The following ARL9 variants were observed in gnomAD, a reference collection of about 807,000 sequenced individuals.
ARL9 encodes the protein ARF like GTPase 9.
A neutral mutation model predicts 27.0 loss-of-function variants in ARL9; 14 were observed. The observed-to-expected ratio is 0.52, with a 90% CI of 0.34 to 0.81. The LOEUF is 0.81. ARL9 is among the 30% of genes least tolerant of loss of function. The pLI, the probability that ARL9 is intolerant of heterozygous loss-of-function variation, is 0.01. For missense variants in ARL9, 294 were observed against 290.0 expected (o/e 1.01, Z -0.10); for synonymous variants, 106 against 108.7 (o/e 0.98, Z 0.15).
chr4:56,506,601 C>A, intron 1 of ARL9: 1 of 985,160 alleles, frequency 1.0e-6, no homozygotes, highest in Non-Finnish European at 1.2e-6. Flanking sequence ...TGTTTGGGGA[C>A]GCTGCAGTTG....
At chr4:56,520,377 C>G (rs1175743448) in intron 3 of ARL9, among the ~76,000 whole-genome samples, 1 of 152,144 alleles carries the variant, frequency 6.6e-6, no homozygotes, top group Admixed American at 6.5e-5. Flanking sequence ...ACCTTGAGAA[C>G]ATTATGCTAA....
intron 2 of ARL9, among the ~76,000 whole-genome samples, chr4:56,516,102 G>A (rs374344956): frequency 9.9e-5 from 15 of 152,066 alleles, no homozygotes; most frequent in African/African-American, 1.7e-4. Context: ...TAAACAAAAC[G>A]ACCAAAGGAA....
At chr4:56,521,160 G>A (rs960372832) in intron 3 of ARL9, among the ~76,000 whole-genome samples, 2 of 150,986 alleles carry the variant, frequency 1.3e-5, no homozygotes, top group East Asian at 3.9e-4. Context: ...GCAGTGAGCC[G>A]AGGTCGTGCC....
chr4:56,514,239 T>C (rs1395658475), intron 2 of ARL9, among the ~76,000 whole-genome samples: 1 of 152,180 alleles, frequency 6.6e-6, no homozygotes, highest in African/African-American at 2.4e-5. Context: ...TAAATGATTA[T>C]AGCTGAAAGG....
At chr4:56,512,778 G>A (rs1354334981) in intron 2 of ARL9, among the ~76,000 whole-genome samples, 3 of 151,938 alleles carry the variant, frequency 2.0e-5, no homozygotes, top group African/African-American at 7.3e-5. Flanking sequence ...CTGACCTCAG[G>A]TGATCCACCC....
At chr4:56,515,182 TG>T (rs960072506) in intron 2 of ARL9, among the ~76,000 whole-genome samples, 12 of 150,374 alleles carry the variant, frequency 8.0e-5, no homozygotes, top group African/African-American at 2.2e-4. Flanking sequence ...TCAACCCAGG[TG>T]GTGGAGATTG....
At chr4:56,507,117 A>G (rs920070333) in intron 1 of ARL9, among the ~76,000 whole-genome samples, 3 of 151,754 alleles carry the variant, frequency 2.0e-5, no homozygotes, top group African/African-American at 7.3e-5. Context: ...CTCTGGTAAA[A>G]CACAGACTAC....
In ARL9 at chr4:56,505,918, AAATC is replaced by A. The variant is rs1721443963; in HGVS notation, c.57_60del (p.Ile20GlufsTer9). 1.6e-6 allele frequency: 2 copies of A among 1,244,832 alleles called. No homozygotes were observed. The highest frequency in any genetic ancestry group is 3.8e-5 in the Admixed American group (1 of 26,002). 77.1% of individuals were successfully genotyped at this position (1,244,832 alleles called of 1,614,324 possible). A position where few individuals can be genotyped will look rare whatever the true frequency, so the allele number is the denominator to read the frequency against. Reference sequence around the variant, plus strand: ...AAGGAAAAGGAGACGCAGGAGGAGAAAATCGGAGAAAAGGGTAGGGAAGAGAAAG... The same window carrying A: ...AAGGAAAAGGAGACGCAGGAGGAGAAGGAGAAAAGGGTAGGGAAGAGAAAG... On this transcript the variant is annotated frameshift_variant, in exon 1 of 4. Coordinates refer to ENST00000640821, the MANE Select transcript of ARL9 (RefSeq NM_001363794.2). LOFTEE classifies it high-confidence loss of function.
chr4:56,515,663 T>C (rs1430656357), intron 2 of ARL9, among the ~76,000 whole-genome samples: 2 of 152,154 alleles, frequency 1.3e-5, no homozygotes, highest in Non-Finnish European at 2.9e-5. Context: ...CAACTGTATA[T>C]AAAAATATAA....
At chr4:56,508,735 T>A (rs1721540183) in intron 1 of ARL9, among the ~76,000 whole-genome samples, 1 of 152,152 alleles carries the variant, frequency 6.6e-6, no homozygotes, top group Admixed American at 6.6e-5. Flanking sequence ...TAAATCATGA[T>A]CTCTGTACAA....
chr4:56,505,904 G>T lies in ARL9; in HGVS notation c.42G>T (p.Glu14Asp), dbSNP rs551711540. 53 of 1,254,454 alleles carry T rather than the reference G, an allele frequency of 4.2e-5. No individual in the cohort carries two copies. In the African/African-American group the frequency reaches 6.8e-4, roughly 16 times the overall value. 77.7% of individuals were successfully genotyped at this position (1,254,454 alleles called of 1,614,324 possible). Residue 14 changes from glutamate (E) to aspartate (D), a missense_variant, in exon 1 of 4, where the codon GAG becomes GAT. Coordinates refer to ENST00000640821, the MANE Select transcript of ARL9 (RefSeq NM_001363794.2). ...GKVKKKEKEK[E>D]TQEEKIGEKG... is the part of the protein sequence containing the mutation. ...TGAAGAAGAAAGAGAAGGAAAAGGA[G>T]ACGCAGGAGGAGAAAATCGGAGAAA...
At chr4:56,519,087 C>T (rs1721846389) in intron 3 of ARL9, among the ~76,000 whole-genome samples, 1 of 152,072 alleles carries the variant, frequency 6.6e-6, no homozygotes, top group Non-Finnish European at 1.5e-5. Context: ...GTGTGTTGAA[C>T]TTAGTTCAAT....
intron 2 of ARL9, among the ~76,000 whole-genome samples, chr4:56,513,317 A>G (rs17086926): frequency 0.035 from 5,279 of 152,272 alleles, 285 homozygotes; most frequent in African/African-American, 0.12. Context: ...GTGAAGTTTC[A>G]TTGTATAAGC....
intron 1 of ARL9, among the ~76,000 whole-genome samples, chr4:56,506,356 AC>A (rs1275345962): frequency 3.3e-5 from 5 of 152,014 alleles, no homozygotes; most frequent in African/African-American, 1.2e-4. Flanking sequence ...CCTTATCGCT[AC>A]CCCTGTGTCT....
rs1161577501 is a variant in ARL9, at chr4:56,511,254, G to T, written c.349G>T (p.Ala117Ser). The T allele has an allele frequency of 5.6e-6, 9 of 1,613,844 alleles. No homozygotes were observed. The South Asian group carries it at 9.9e-5, about 18-fold the overall frequency. Residue 117 changes from alanine to serine, a missense_variant, in exon 2 of 4, where the codon GCT (alanine) becomes TCT (serine). By Grantham distance (99) the Ala-to-Ser change is moderately conservative. Transcript: ENST00000640821. ...AAAAACCAGTGTCCTGCACTCTCTA[G>T]CTTCAAACAGAGTCCAGCACAGTGT... ...AGKTSVLHSLASNRVQHSVAP... is the reference protein window; with the variant it reads ...AGKTSVLHSLSSNRVQHSVAP...
At chr4:56,506,696 G>A in intron 1 of ARL9, 10 of 985,350 alleles carry the variant, frequency 1.0e-5, no homozygotes, top group Non-Finnish European at 1.2e-5. Flanking sequence ...TGGGTCAGCT[G>A]AATGGTCTCT....
Position 56,507,232 on chromosome 4 carries a change from G to A in ARL9, c.279+1091G>A, listed in dbSNP as rs552299088. 1.1e-4 allele frequency among the ~76,000 whole-genome samples: 16 copies of A among 152,306 alleles called. No homozygotes were observed. In the East Asian group the frequency reaches 2.7e-3, roughly 26 times the overall value. ...CAAATTCAGCTTTCCTTAGGAGAAGGTAAATGTGAGGAAGCCTGAATGCAG... is the reference window on the plus strand; with the variant it reads ...CAAATTCAGCTTTCCTTAGGAGAAGATAAATGTGAGGAAGCCTGAATGCAG... On this transcript the variant is annotated intron_variant, in intron 1 of 3. Coordinates refer to ENST00000640821, the MANE Select transcript of ARL9 (RefSeq NM_001363794.2).
At chr4:56,519,149 T>C (rs1411110644) in intron 3 of ARL9, among the ~76,000 whole-genome samples, 2 of 152,200 alleles carry the variant, frequency 1.3e-5, no homozygotes, top group Non-Finnish European at 2.9e-5. Context: ...GGCTACCATG[T>C]ATAAAAAAAT....
intron 2 of ARL9, among the ~76,000 whole-genome samples, chr4:56,515,024 G>A (rs886276196): frequency 6.6e-6 from 1 of 152,052 alleles, no homozygotes; most frequent in Non-Finnish European, 1.5e-5. Flanking sequence ...CCAAGGGGGC[G>A]GATCACTCAC....
Sources: allele counts gnomAD v4.1 joint callset (sites outside exome capture counted in the v4.1 genomes callset), GRCh38; gene constraint gnomAD v4.1.1; transcripts MANE v1.5; gene names NCBI Gene and HGNC (gene_info 2026-07-23, HGNC 2026-07-21).